DOCK3: variants seen among roughly 807,000 people sequenced by gnomAD.
The protein encoded by DOCK3 is dedicator of cytokinesis protein 3.
A neutral mutation model predicts 265.6 loss-of-function variants in DOCK3; 60 were observed. That is an observed-to-expected ratio of 0.23 (90% CI 0.18 to 0.28). The LOEUF is 0.28. Among genes scored for constraint, DOCK3 ranks in the 10% least tolerant of loss-of-function variants. DOCK3 has a pLI of 1.00. For missense variants in DOCK3, 1,981 were observed against 2,594.3 expected (o/e 0.76, Z 5.14); for synonymous variants, 881 against 938.0 (o/e 0.94, Z 1.11).
intron 4 of DOCK3, among the ~76,000 whole-genome samples, chr3:50,930,074 C>G (rs560422144): frequency 6.6e-6 from 1 of 152,290 alleles, no homozygotes; most frequent in South Asian, 2.1e-4. Flanking sequence ...AGTGAGGAAA[C>G]CAGCAGTTGA....
chr3:50,973,717 G>T (rs1680665857), intron 5 of DOCK3, among the ~76,000 whole-genome samples: 1 of 81,236 alleles, frequency 1.2e-5, no homozygotes, highest in Non-Finnish European at 2.3e-5. Context: ...TCGCCACACT[G>T]ACTTCCACAA....
Position 50,885,504 on chromosome 3 carries a change from A to G in DOCK3, c.163-4522A>G, listed in dbSNP as rs150565066. 8.7e-3 allele frequency among the ~76,000 whole-genome samples: 1,328 copies of G among 151,956 alleles called. 25 individuals carry two copies. Among genetic ancestry groups the G allele is most frequent in the African/African-American group, 0.029 (1,184 of 41,442 alleles). On this transcript the variant is annotated intron_variant, in intron 3 of 52. Coordinates refer to ENST00000266037, the MANE Select transcript of DOCK3 (RefSeq NM_004947.5). ...CAGTGTCTTTTAAAGTGACTATACCATTTTGCATTCGTACCAGCAATGAAT... is the reference window on the plus strand; with the variant it reads ...CAGTGTCTTTTAAAGTGACTATACCGTTTTGCATTCGTACCAGCAATGAAT...
chr3:51,325,150 A>C (rs2084011445), intron 32 of DOCK3, among the ~76,000 whole-genome samples: 6 of 152,158 alleles, frequency 3.9e-5, no homozygotes, highest in Admixed American at 3.9e-4. Flanking sequence ...AATAGGAGAA[A>C]ATTTTTGCAA....
intron 1 of DOCK3, among the ~76,000 whole-genome samples, chr3:50,767,389 T>G (rs2040963188): frequency 6.6e-6 from 1 of 152,220 alleles, no homozygotes; most frequent in East Asian, 1.9e-4. Flanking sequence ...CTTTCCCCAT[T>G]GCTTGTTTTT....
intron 49 of DOCK3, among the ~76,000 whole-genome samples, chr3:51,372,063 TGA>T (rs1322538419): frequency 1.3e-5 from 2 of 152,228 alleles, no homozygotes; most frequent in Admixed American, 1.3e-4. Context: ...GGAAGCATTC[TGA>T]GAGTTTCTTG....
At chr3:50,811,817 A>C (rs1422585271) in intron 2 of DOCK3, among the ~76,000 whole-genome samples, 1 of 152,262 alleles carries the variant, frequency 6.6e-6, no homozygotes, top group Non-Finnish European at 1.5e-5. Context: ...ATCAAGAGAG[A>C]GAAATCACAC....
chr3:50,781,110 C>A (rs377203173), intron 2 of DOCK3, among the ~76,000 whole-genome samples: 31 of 151,924 alleles, frequency 2.0e-4, no homozygotes, highest in African/African-American at 7.2e-4. Context: ...CTGCAATAAA[C>A]ATGGAAGTGC....
chr3:51,091,406 A>G (rs1383032929), intron 9 of DOCK3, among the ~76,000 whole-genome samples: 1 of 152,188 alleles, frequency 6.6e-6, no homozygotes, highest in Non-Finnish European at 1.5e-5. Context: ...ATTGTGGCCC[A>G]GGAGCAATGG....
intron 27 of DOCK3, among the ~76,000 whole-genome samples, chr3:51,307,325 C>G (rs1304671869): frequency 6.6e-6 from 1 of 152,048 alleles, no homozygotes; most frequent in Non-Finnish European, 1.5e-5. Context: ...CTATGTTTCC[C>G]AAGCTGGTTC....
chr3:51,318,449 CATTT>C (rs1367873705), intron 32 of DOCK3, among the ~76,000 whole-genome samples: 1 of 152,062 alleles, frequency 6.6e-6, no homozygotes, highest in African/African-American at 2.4e-5. Flanking sequence ...TATATCTTTC[CATTT>C]ATTTAGGTGT....
chr3:50,919,378 A>C (rs1260902033), intron 4 of DOCK3, among the ~76,000 whole-genome samples: 1 of 152,148 alleles, frequency 6.6e-6, no homozygotes, highest in African/African-American at 2.4e-5. Flanking sequence ...GATTCTTCCT[A>C]TCCATGAGCA....
chr3:51,067,863 A>G (rs2081661702), intron 6 of DOCK3, among the ~76,000 whole-genome samples: 1 of 152,202 alleles, frequency 6.6e-6, no homozygotes, highest in South Asian at 2.1e-4. Flanking sequence ...GTCATTTCAT[A>G]CCATTAGATT....
At chr3:51,023,603 A>G (rs879329544) in intron 5 of DOCK3, among the ~76,000 whole-genome samples, 1 of 151,986 alleles carries the variant, frequency 6.6e-6, no homozygotes, top group Non-Finnish European at 1.5e-5. Flanking sequence ...TTTAATAGAG[A>G]CAGGGTTTCA....
At chr3:51,101,702 T>C (rs1269862599) in intron 9 of DOCK3, among the ~76,000 whole-genome samples, 2 of 152,186 alleles carry the variant, frequency 1.3e-5, no homozygotes, top group East Asian at 1.9e-4. Flanking sequence ...AAATGACTTA[T>C]TATAAACTCT....
chr3:51,273,031 G>C (rs781321027), intron 24 of DOCK3, among the ~76,000 whole-genome samples: 16 of 151,856 alleles, frequency 1.1e-4, no homozygotes, highest in Non-Finnish European at 1.6e-4. Context: ...GCATGGTGGT[G>C]GGCGCCTGTA....
chr3:50,755,868 T>C (rs1481174508), intron 1 of DOCK3, among the ~76,000 whole-genome samples: 2 of 152,258 alleles, frequency 1.3e-5, no homozygotes, highest in Non-Finnish European at 2.9e-5. Flanking sequence ...CTAATAATAT[T>C]CCACTGTATA....
At chr3:50,711,494 C>G (rs577712841) in intron 1 of DOCK3, among the ~76,000 whole-genome samples, 1 of 152,244 alleles carries the variant, frequency 6.6e-6, no homozygotes, top group South Asian at 2.1e-4. Flanking sequence ...GATCTCCTGA[C>G]CTCGTGATCC....
intron 9 of DOCK3, among the ~76,000 whole-genome samples, chr3:51,135,906 C>T (rs1018504497): frequency 1.3e-5 from 2 of 151,988 alleles, no homozygotes; most frequent in Non-Finnish European, 2.9e-5. Context: ...GACAGGATCT[C>T]GCCATATTTC....
At chr3:51,258,584 A>C (rs957504503) in intron 22 of DOCK3, among the ~76,000 whole-genome samples, 7 of 151,870 alleles carry the variant, frequency 4.6e-5, no homozygotes, top group African/African-American at 1.5e-4. Flanking sequence ...GCTCACTGCA[A>C]GCTCCACCTC....
Sources: gnomAD v4.1 joint callset for allele counts (sites outside exome capture counted in the v4.1 genomes callset) on GRCh38, gnomAD v4.1.1 for gene constraint, MANE v1.5 for transcripts, NCBI Gene and HGNC (gene_info 2026-07-23, HGNC 2026-07-21) for gene names.